Variants in CCDC7 observed in about 807,000 individuals in gnomAD.
CCDC7 encodes coiled-coil domain containing 7.
Under a neutral mutation model 196.9 loss-of-function variants are expected in CCDC7, and 183 were observed. The ratio of observed to expected loss-of-function variants is 0.93; its 90% CI spans 0.82 to 1.05. The LOEUF (loss-of-function observed/expected upper bound fraction) is 1.05, where lower values mean the gene tolerates loss of function less well. Ranked by LOEUF, CCDC7 falls within the 50% of genes least tolerant of loss-of-function variation. The pLI is 0.00. For missense variants in CCDC7, 1,540 were observed against 1,482.2 expected, an observed-to-expected ratio of 1.04 and a Z score of -0.64; for synonymous variants, 525 against 484.6, an observed-to-expected ratio of 1.08 and a Z score of -1.10.
chr10:32,675,232 C>T (rs1179716224), intron 21 of CCDC7, among the ~76,000 whole-genome samples: 2 of 147,000 alleles, frequency 1.4e-5, no homozygotes, highest in East Asian at 4.0e-4. Context: ...TACTTTATTT[C>T]CTTTTCATCT....
At chr10:32,532,406 A>G (rs1235841413) in intron 11 of CCDC7, among the ~76,000 whole-genome samples, 2 of 152,146 alleles carry the variant, frequency 1.3e-5, no homozygotes. Context: ...TATACTTGAT[A>G]TGATTTCTAT....
intron 23 of CCDC7, among the ~76,000 whole-genome samples, 160 bp downstream of exon 24, chr10:32,689,323 G>C (rs750390135): frequency 5.3e-5 from 8 of 152,176 alleles, no homozygotes; most frequent in Non-Finnish European, 8.8e-5. Flanking sequence ...TTTTGGTTGA[G>C]AGATTTCTGG....
chr10:32,632,021 C>T (rs956256819), intron 18 of CCDC7, among the ~76,000 whole-genome samples: 5 of 150,790 alleles, frequency 3.3e-5, no homozygotes, highest in African/African-American at 1.2e-4. Context: ...TTTATTATTC[C>T]CTCTTTGGGA....
chr10:32,711,153 TACAC>T (rs72008181), intron 24 of CCDC7, among the ~76,000 whole-genome samples: 26,074 of 151,180 alleles, frequency 0.17, 2,901 homozygotes, highest in African/African-American at 0.29. Flanking sequence ...TATATATACA[TACAC>T]ACATATACAT....
intron 21 of CCDC7, 139 bp from the exon 23 acceptor site, chr10:32,685,831 A>G (rs983083228): frequency 3.5e-6 from 2 of 564,462 alleles, no homozygotes; most frequent in Non-Finnish European, 3.1e-6. Flanking sequence ...CATCAAATCT[A>G]TTATTATTGT....
chr10:32,785,957 A>G (rs556942279), intron 29 of CCDC7, among the ~76,000 whole-genome samples: 2 of 152,256 alleles, frequency 1.3e-5, no homozygotes, highest in African/African-American at 4.8e-5. Context: ...AATACCTGTG[A>G]TTAACAAGAC....
chr10:32,587,168 C>T (rs1048002160), intron 18 of CCDC7, among the ~76,000 whole-genome samples: 3 of 152,186 alleles, frequency 2.0e-5, no homozygotes, highest in African/African-American at 7.2e-5. Context: ...ATTTCCACAA[C>T]TTTTCATCAC....
intron 28 of CCDC7, among the ~76,000 whole-genome samples, chr10:32,742,419 T>A (rs2086011885): frequency 6.6e-6 from 1 of 152,222 alleles, no homozygotes; most frequent in South Asian, 2.1e-4. Context: ...AAATGTGTGA[T>A]GACATGTATA....
At chr10:32,852,083 T>C (rs1304520470) in intron 40 of CCDC7, 151 bp downstream of exon 41, 1 of 736,126 alleles carries the variant, frequency 1.4e-6, no homozygotes, top group African/African-American at 1.8e-5. Context: ...CTAACATTTG[T>C]TCATTCTTAG....
intron 29 of CCDC7, among the ~76,000 whole-genome samples, chr10:32,782,506 G>A (rs2081220311): frequency 6.6e-6 from 1 of 152,100 alleles, no homozygotes; most frequent in Admixed American, 6.5e-5. Flanking sequence ...GGGATTACAG[G>A]CATGAGCCAC....
intron 41 of CCDC7, among the ~76,000 whole-genome samples, chr10:32,869,325 A>G (rs1320346179): frequency 1.3e-5 from 2 of 152,152 alleles, no homozygotes; most frequent in Non-Finnish European, 2.9e-5. Context: ...GCCAGTGATA[A>G]TGAGCATTTT....
upstream of CCDC7, among the ~76,000 whole-genome samples, chr10:32,444,559 G>A (rs1413254030): frequency 6.6e-6 from 1 of 152,078 alleles, no homozygotes; most frequent in Non-Finnish European, 1.5e-5. Flanking sequence ...CTATTTTCAG[G>A]GTTCTAGAAA....
At chr10:32,798,866 T>A (rs553051117) in intron 29 of CCDC7, among the ~76,000 whole-genome samples, 1 of 152,286 alleles carries the variant, frequency 6.6e-6, no homozygotes, top group African/African-American at 2.4e-5. Context: ...GAATCATCTG[T>A]GAACCAGACC....
chr10:32,815,462 G>A (rs2088222590), intron 31 of CCDC7, among the ~76,000 whole-genome samples: 1 of 152,066 alleles, frequency 6.6e-6, no homozygotes, highest in Admixed American at 6.6e-5. Flanking sequence ...ATAACTACAA[G>A]GGAAAATTCA....
intron 11 of CCDC7, among the ~76,000 whole-genome samples, chr10:32,530,936 A>G (rs117319651): frequency 0.041 from 6,317 of 152,234 alleles, 133 homozygotes; most frequent in Middle Eastern, 0.065. Flanking sequence ...TGTTCCATCT[A>G]TACCTATTTT....
chr10:32,500,216 C>G lies in CCDC7; in HGVS notation c.872+8219C>G, dbSNP rs562624769. On this transcript the variant is annotated intron_variant, in intron 9 of 41. Coordinates refer to ENST00000639629, the Ensembl canonical transcript of CCDC7. Reference sequence around the variant, plus strand: ...CCCCCCACCTCCCGGATGGGGCGGCCGGCCTGGCGGGGGCTGCCCCCCGAC... The same window carrying G: ...CCCCCCACCTCCCGGATGGGGCGGCGGGCCTGGCGGGGGCTGCCCCCCGAC... 7.7e-3 allele frequency among the ~76,000 whole-genome samples: 1,134 copies of G among 147,472 alleles called. 9 individuals carry two copies. Among genetic ancestry groups the G allele is most frequent in the Non-Finnish European group, 0.012 (819 of 66,808 alleles).
At chr10:32,456,172 A>C in intron 2 of CCDC7, 79 bp from the exon 4 acceptor site, 1 of 1,305,180 alleles carries the variant, frequency 7.7e-7, no homozygotes, top group East Asian at 2.8e-5. Flanking sequence ...ATTTTTCAAA[A>C]AGTAAATATG....
chr10:32,801,406 C>G (rs2084760568), intron 29 of CCDC7, among the ~76,000 whole-genome samples: 1 of 152,150 alleles, frequency 6.6e-6, no homozygotes, highest in Non-Finnish European at 1.5e-5. Flanking sequence ...CTATTAGAAT[C>G]TTTTTTAACT....
At chr10:32,538,106 G>C (rs1251696324) in intron 11 of CCDC7, among the ~76,000 whole-genome samples, 1 of 152,100 alleles carries the variant, frequency 6.6e-6, no homozygotes, top group African/African-American at 2.4e-5. Context: ...TAACAATATT[G>C]AGTCTCCCTA....
Sources: allele counts gnomAD v4.1 joint callset (sites outside exome capture counted in the v4.1 genomes callset), GRCh38; gene constraint gnomAD v4.1.1; transcripts MANE v1.5; gene names NCBI Gene and HGNC (gene_info 2026-07-23, HGNC 2026-07-21).